The following TANGO6 variants were observed in gnomAD, a reference collection of about 807,000 sequenced individuals.
TANGO6 encodes transport and golgi organization 6 homolog.
TANGO6 carries 90 observed loss-of-function variants against 114.2 expected under a neutral mutation model. The observed-to-expected ratio is 0.79, with a 90% CI of 0.66 to 0.94. The LOEUF (loss-of-function observed/expected upper bound fraction) is 0.94, where lower values mean the gene tolerates loss of function less well. Ranked by LOEUF, TANGO6 falls within the 40% of genes least tolerant of loss-of-function variation. The probability of loss-of-function intolerance (pLI) is 0.00; values close to 1 mark genes in which losing one functional copy is unlikely to be tolerated. For synonymous variants in TANGO6, 477 were observed against 509.8 expected (o/e 0.94, Z 0.87); for missense variants, 1,274 against 1,315.3 (o/e 0.97, Z 0.49).
chr16:69,038,794 G>A (rs1041925619), intron 16 of TANGO6, among the ~76,000 whole-genome samples: 8 of 152,112 alleles, frequency 5.3e-5, no homozygotes, highest in Admixed American at 1.3e-4. Context: ...TGTAATCCCA[G>A]CACTTTGGGA....
chr16:68,980,733 C>T (rs894490136), intron 15 of TANGO6, among the ~76,000 whole-genome samples: 16 of 151,886 alleles, frequency 1.1e-4, no homozygotes, highest in Non-Finnish European at 1.9e-4. Context: ...GGAGGCTAGG[C>T]GAGGTGGCTC....
chr16:68,991,493 T>C (rs1963945625), intron 15 of TANGO6, among the ~76,000 whole-genome samples: 2 of 151,900 alleles, frequency 1.3e-5, no homozygotes, highest in Admixed American at 6.6e-5. Context: ...AAGGAAAAAT[T>C]AGCCAGGTGT....
chr16:68,914,950 T>G (rs571767105), intron 11 of TANGO6, among the ~76,000 whole-genome samples: 33 of 140,274 alleles, frequency 2.4e-4, no homozygotes, highest in African/African-American at 9.4e-4. Flanking sequence ...ACTACTTGTT[T>G]TGATATCTAC....
intron 7 of TANGO6, among the ~76,000 whole-genome samples, chr16:68,884,369 T>G (rs1362815032): frequency 2.2e-4 from 33 of 152,214 alleles, no homozygotes; most frequent in Non-Finnish European, 2.9e-5. Context: ...GTGAATATAA[T>G]GCTGTTTTTA....
At chr16:69,020,774 G>A (rs1322137081) in intron 15 of TANGO6, among the ~76,000 whole-genome samples, 3 of 152,096 alleles carry the variant, frequency 2.0e-5, no homozygotes, top group Non-Finnish European at 4.4e-5. Flanking sequence ...GCATACACCT[G>A]TCTTCCCAGC....
At chr16:69,051,961 T>A (rs1424453066) in intron 17 of TANGO6, among the ~76,000 whole-genome samples, 7 of 149,970 alleles carry the variant, frequency 4.7e-5, no homozygotes, top group Non-Finnish European at 1.5e-5. Context: ...TTTTTTTTTT[T>A]TAGACACAGT....
intron 1 of TANGO6, among the ~76,000 whole-genome samples, chr16:68,847,896 A>G (rs1007564328): frequency 1.3e-5 from 2 of 150,420 alleles, no homozygotes; most frequent in Admixed American, 6.7e-5. Context: ...GCTACTCGGG[A>G]GGCTGAGGCA....
intron 5 of TANGO6, among the ~76,000 whole-genome samples, chr16:68,877,313 C>T (rs763447920): frequency 1.5e-4 from 22 of 151,632 alleles, no homozygotes; most frequent in Non-Finnish European, 2.5e-4. Flanking sequence ...ACTAAAAATA[C>T]AAAAATTAGC....
chr16:68,920,522 TGA>T (rs2152191481), intron 12 of TANGO6, among the ~76,000 whole-genome samples: 1 of 152,204 alleles, frequency 6.6e-6, no homozygotes, highest in African/African-American at 2.4e-5. Flanking sequence ...CCGAGTTAGG[TGA>T]GGAGTCTGCA....
chr16:68,892,617 G>A (rs952421587), intron 7 of TANGO6, among the ~76,000 whole-genome samples: 4 of 151,460 alleles, frequency 2.6e-5, no homozygotes, highest in Non-Finnish European at 5.9e-5. Context: ...TGGGTTCAAG[G>A]GATTCTCCTG....
intron 7 of TANGO6, among the ~76,000 whole-genome samples, chr16:68,892,172 C>T (rs1052923123): frequency 2.6e-5 from 4 of 152,320 alleles, no homozygotes; most frequent in African/African-American, 4.8e-5. Flanking sequence ...GCCTTCAAGG[C>T]GTTCCTAGTC....
chr16:68,947,781 G>A (rs1963432074), intron 14 of TANGO6, among the ~76,000 whole-genome samples: 1 of 151,790 alleles, frequency 6.6e-6, no homozygotes, highest in East Asian at 1.9e-4. Flanking sequence ...TAGTAGAGAT[G>A]GGGTTTCACC....
intron 14 of TANGO6, among the ~76,000 whole-genome samples, chr16:68,968,688 T>TTTTTA: frequency 7.0e-6 from 1 of 142,750 alleles, no homozygotes; most frequent in African/African-American, 2.6e-5. Context: ...TTTTTTTTTT[T>TTTTTA]GAGACGGAGT....
chr16:68,875,549 C>T (rs1461940269), intron 5 of TANGO6, among the ~76,000 whole-genome samples: 1 of 152,020 alleles, frequency 6.6e-6, no homozygotes. Context: ...GGCGGATCAC[C>T]TGAGGTCGGG....
intron 15 of TANGO6, among the ~76,000 whole-genome samples, chr16:69,005,395 C>T (rs78642372): frequency 0.021 from 3,192 of 152,202 alleles, 101 homozygotes; most frequent in East Asian, 0.075. Flanking sequence ...ATCTGGGGCA[C>T]CCAGACAATG....
At chr16:69,019,881 C>A (rs914990599) in intron 15 of TANGO6, among the ~76,000 whole-genome samples, 32 of 152,074 alleles carry the variant, frequency 2.1e-4, no homozygotes, top group African/African-American at 7.7e-4. Context: ...TTCATCAGTT[C>A]TTGTATTCCT....
intron 11 of TANGO6, among the ~76,000 whole-genome samples, chr16:68,915,044 C>A (rs1033724858): frequency 2.0e-5 from 3 of 150,842 alleles, no homozygotes; most frequent in Non-Finnish European, 2.9e-5. Context: ...TGCTTGTTAT[C>A]CCAGCACTTT....
At chr16:68,927,538 G>C in intron 12 of TANGO6, 30 bp from the exon 13 acceptor site, 1 of 1,599,900 alleles carries the variant, frequency 6.3e-7, no homozygotes, top group Non-Finnish European at 8.5e-7. Context: ...ATGTTAATTT[G>C]GGTTTGACAT....
chr16:68,910,973 A>G (rs944030596), intron 11 of TANGO6, among the ~76,000 whole-genome samples: 25 of 152,296 alleles, frequency 1.6e-4, no homozygotes, highest in African/African-American at 5.5e-4. Flanking sequence ...TACCGTGCCC[A>G]GCCATTATTG....
Sources: allele counts gnomAD v4.1 joint callset (sites outside exome capture counted in the v4.1 genomes callset), GRCh38; gene constraint gnomAD v4.1.1; transcripts MANE v1.5; gene names NCBI Gene and HGNC (gene_info 2026-07-23, HGNC 2026-07-21).